STK32B: variants seen among roughly 807,000 people sequenced by gnomAD.
The protein encoded by STK32B is serine/threonine kinase 32B, also known as serine/threonine-protein kinase 32B.
In STK32B, 43 loss-of-function variants were observed where a neutral mutation model predicts 52.6. The ratio of observed to expected loss-of-function variants is 0.82; its 90% CI spans 0.64 to 1.05. The LOEUF is 1.05. Among genes scored for constraint, STK32B ranks in the 50% least tolerant of loss-of-function variants. The pLI, the probability that STK32B is intolerant of heterozygous loss-of-function variation, is 0.00. For missense variants in STK32B, 621 were observed against 534.6 expected (o/e 1.16, Z -1.59); for synonymous variants, 238 against 204.3 (o/e 1.17, Z -1.41).
intron 1 of STK32B, among the ~76,000 whole-genome samples, chr4:5,095,373 G>T (rs1479130603): frequency 6.6e-6 from 1 of 152,218 alleles, no homozygotes; most frequent in Non-Finnish European, 1.5e-5. Flanking sequence ...CCACCACTTT[G>T]GAAGGTCGAG....
chr4:5,125,833 C>A (rs1481530996), intron 1 of STK32B, among the ~76,000 whole-genome samples: 1 of 152,208 alleles, frequency 6.6e-6, no homozygotes, highest in African/African-American at 2.4e-5. Context: ...AACTCTGCCT[C>A]CTGTGGACCT....
In STK32B at chr4:5,499,456, T is replaced by G; in HGVS notation, c.*373T>G. 1.7e-5 allele frequency: 3 copies of G among 178,380 alleles called. No individual in the cohort carries two copies. The highest frequency in any genetic ancestry group is 1.2e-5 in the Non-Finnish European group (1 of 86,052). 11.0% of individuals were successfully genotyped at this position (178,380 alleles called of 1,614,324 possible). A position where few individuals can be genotyped will look rare whatever the true frequency, so the allele number is the denominator to read the frequency against. ...ACCTTAATATTTGAAGTGACCCCCA[T>G]TCCCCAAAGCAATCAAACCGTCATG... On this transcript the variant is annotated 3_prime_UTR_variant, in exon 12 of 12. Transcript: ENST00000282908.
chr4:5,369,645 T>G lies in STK32B; in HGVS notation c.435-28562T>G, dbSNP rs545080026. Among the ~76,000 whole-genome samples, 260 of 152,202 alleles carry G rather than the reference T, an allele frequency of 1.7e-3. 1 individual carries two copies. The highest frequency in any genetic ancestry group is 5.1e-3 in the African/African-American group (213 of 41,552). ...TTCATGCTGACACATCATGCCTGCT[T>G]GTTTCTGCTCTACCCTCATGGTCTT... On this transcript the variant is annotated intron_variant, in intron 4 of 11. Coordinates refer to ENST00000282908, the MANE Select transcript of STK32B (RefSeq NM_018401.3).
intron 3 of STK32B, among the ~76,000 whole-genome samples, chr4:5,298,356 A>C (rs1324457305): frequency 1.3e-5 from 2 of 152,136 alleles, no homozygotes; most frequent in East Asian, 3.9e-4. Flanking sequence ...ACAGGCAGGA[A>C]TGTTTAAGTC....
chr4:5,430,663 A>C (rs1362164380), intron 6 of STK32B, among the ~76,000 whole-genome samples: 1 of 152,166 alleles, frequency 6.6e-6, no homozygotes, highest in Non-Finnish European at 1.5e-5. Context: ...TTATGCCTGG[A>C]AATGGACATG....
intron 3 of STK32B, among the ~76,000 whole-genome samples, chr4:5,231,927 G>A (rs142958188): frequency 6.4e-4 from 98 of 152,288 alleles, no homozygotes; most frequent in African/African-American, 1.9e-3. Context: ...GAGAAAGAGA[G>A]GACAAAGATA....
intron 11 of STK32B, among the ~76,000 whole-genome samples, chr4:5,483,315 GGA>G (rs1718877576): frequency 6.6e-6 from 1 of 151,606 alleles, no homozygotes; most frequent in Non-Finnish European, 1.5e-5. Context: ...TTTAGTCTTG[GGA>G]GAGTGTATGT....
chr4:5,022,937 C>T, the STK32B span, among the ~76,000 whole-genome samples: 1 of 152,028 alleles, frequency 6.6e-6, no homozygotes, highest in African/African-American at 2.4e-5. Flanking sequence ...CTGGCAGCTG[C>T]TCCCTATCAG....
chr4:5,063,601 C>T (rs929824113), intron 1 of STK32B, among the ~76,000 whole-genome samples: 2 of 152,160 alleles, frequency 1.3e-5, no homozygotes, highest in Admixed American at 6.5e-5. Context: ...CCTTGACCTC[C>T]CAAAGTGCTG....
intron 1 of STK32B, among the ~76,000 whole-genome samples, chr4:5,071,378 C>T (rs1711761761): frequency 6.6e-6 from 1 of 152,180 alleles, no homozygotes; most frequent in South Asian, 2.1e-4. Flanking sequence ...AGATGCTTTA[C>T]AAACCTTCCA....
intron 3 of STK32B, among the ~76,000 whole-genome samples, chr4:5,246,752 G>C (rs566012423): frequency 1.4e-4 from 22 of 152,064 alleles, no homozygotes; most frequent in African/African-American, 5.3e-4. Context: ...CGGGTTTTTG[G>C]TGTGGATGTC....
chr4:5,487,492 A>G (rs1171527562), intron 11 of STK32B, among the ~76,000 whole-genome samples: 2 of 152,228 alleles, frequency 1.3e-5, no homozygotes, highest in African/African-American at 4.8e-5. Flanking sequence ...CCTAAGGGCA[A>G]CAAACTAAAA....
chr4:5,363,183 A>G (rs1484504285), intron 4 of STK32B, among the ~76,000 whole-genome samples: 2 of 152,248 alleles, frequency 1.3e-5, no homozygotes, highest in Non-Finnish European at 2.9e-5. Context: ...TGAGCATAGA[A>G]TGCAGTCATG....
intron 11 of STK32B, among the ~76,000 whole-genome samples, chr4:5,486,596 C>A (rs907800602): frequency 6.9e-4 from 105 of 152,340 alleles, no homozygotes; most frequent in African/African-American, 2.5e-3. Context: ...CTGTCCTGCA[C>A]CCACTGTCCA....
At chr4:5,097,272 T>C (rs9291069) in intron 1 of STK32B, among the ~76,000 whole-genome samples, 47,259 of 152,160 alleles carry the variant, frequency 0.31, 8,032 homozygotes, top group Middle Eastern at 0.43. Flanking sequence ...GTTTATTGAA[T>C]GAATGAATGA....
intron 4 of STK32B, among the ~76,000 whole-genome samples, chr4:5,348,387 C>G (rs1215663391): frequency 6.6e-6 from 1 of 152,208 alleles, no homozygotes. Flanking sequence ...AGACTGCATT[C>G]TTCCCTAGGG....
At chr4:5,474,663 A>G (rs566031142) in intron 11 of STK32B, among the ~76,000 whole-genome samples, 48 of 152,296 alleles carry the variant, frequency 3.2e-4, no homozygotes, top group African/African-American at 1.1e-3. Context: ...TGAATTAAAC[A>G]TTGTGGTTCA....
At chr4:5,181,327 G>GACAC (rs1453553419) in intron 3 of STK32B, among the ~76,000 whole-genome samples, 2 of 84,138 alleles carry the variant, frequency 2.4e-5, no homozygotes, top group Non-Finnish European at 4.5e-5. Context: ...GATGGAGAGT[G>GACAC]AGACACACAC....
chr4:5,040,324 A>G, the STK32B span, among the ~76,000 whole-genome samples: 1 of 152,030 alleles, frequency 6.6e-6, no homozygotes, highest in Admixed American at 6.6e-5. Context: ...ACAGATGGGG[A>G]AAATGAGGCC....
Sources: gnomAD v4.1 joint callset for allele counts (sites outside exome capture counted in the v4.1 genomes callset) on GRCh38, gnomAD v4.1.1 for gene constraint, MANE v1.5 for transcripts, NCBI Gene and HGNC (gene_info 2026-07-23, HGNC 2026-07-21) for gene names.